Variants in METTL6 observed in about 807,000 individuals in gnomAD.
METTL6 encodes methyltransferase 6, tRNA N3-cytidine.
In METTL6, 22 loss-of-function variants were observed where a neutral mutation model predicts 26.4. The ratio of observed to expected loss-of-function variants is 0.83; its 90% CI spans 0.59 to 1.19. The LOEUF is 1.19. Ranked by LOEUF, METTL6 falls within the 50% of genes most tolerant of loss-of-function variation. The probability of loss-of-function intolerance (pLI) is 0.00; values close to 1 mark genes in which losing one functional copy is unlikely to be tolerated. For missense variants in METTL6, 304 were observed against 324.8 expected, an observed-to-expected ratio of 0.94 and a Z score of 0.49; for synonymous variants, 109 against 116.2, an observed-to-expected ratio of 0.94 and a Z score of 0.40.
rs1699901175 is a variant in METTL6 at position 15,409,881 on chromosome 3, G to C, written c.*1375C>G. Among the ~76,000 whole-genome samples the C allele has an allele frequency of 6.6e-6, 1 of 152,166 alleles. No individual in the cohort carries two copies. Among genetic ancestry groups the C allele is most frequent in the African/African-American group, 2.4e-5 (1 of 41,434 alleles). Reference sequence around the variant, plus strand: ...ATGACACTCGAAAAAGAAGAAAACAGAACACTCCTTTAGGCTAGAAATATA... The same window carrying C: ...ATGACACTCGAAAAAGAAGAAAACACAACACTCCTTTAGGCTAGAAATATA... On this transcript the variant is annotated 3_prime_UTR_variant, in exon 6 of 6. Transcript: ENST00000383790.
chr3:15,422,366 T>C (rs892651472), intron 3 of METTL6, among the ~76,000 whole-genome samples: 1 of 151,464 alleles, frequency 6.6e-6, no homozygotes, highest in African/African-American at 2.4e-5. Flanking sequence ...CGGTGGCTGA[T>C]GCCTGTAATC....
intron 5 of METTL6, among the ~76,000 whole-genome samples, chr3:15,412,060 C>T (rs1332487223): frequency 2.0e-5 from 3 of 152,098 alleles, no homozygotes; most frequent in Non-Finnish European, 4.4e-5. Flanking sequence ...CCACTGGGCC[C>T]GGCCGATTAT....
At chr3:15,408,743 TTTC>T (rs964757741), downstream of METTL6, among the ~76,000 whole-genome samples, 1 of 151,824 alleles carries the variant, frequency 6.6e-6, no homozygotes, top group Non-Finnish European at 1.5e-5. Flanking sequence ...CCTGGCTAAT[TTTC>T]TTATTTTTTT....
intron 3 of METTL6, 146 bp downstream of exon 3, chr3:15,424,809 A>G: frequency 2.0e-6 from 2 of 981,194 alleles, no homozygotes; most frequent in South Asian, 1.5e-5. Context: ...CTGTATATGT[A>G]TGTAAGCAGG....
Position 15,411,713 on chromosome 3 carries a change from C to T in METTL6, c.674-276G>A, listed in dbSNP as rs144219146. On this transcript the variant is annotated intron_variant, in intron 5 of 5. Transcript: ENST00000383790. Reference sequence around the variant, plus strand: ...TTATGAATTCTCAAATACAAAAGCCCGAGTAAAAAGAAACAATTCCAAATT... The same window carrying T: ...TTATGAATTCTCAAATACAAAAGCCTGAGTAAAAAGAAACAATTCCAAATT... Among the ~76,000 whole-genome samples, 304 of 151,170 alleles carry T rather than the reference C, an allele frequency of 2.0e-3. 1 individual carries two copies. The highest frequency in any genetic ancestry group is 6.7e-3 in the African/African-American group (276 of 41,190).
intron 6 of METTL6, among the ~76,000 whole-genome samples, chr3:15,397,196 C>T (rs1699512420): frequency 6.6e-6 from 1 of 152,216 alleles, no homozygotes; most frequent in South Asian, 2.1e-4. Context: ...GGCGCCCCTC[C>T]CCCAGCCTCA....
Position 15,410,155 on chromosome 3 carries a change from T to G in METTL6, c.*1101A>C, listed in dbSNP as rs1403011577. ...ATGTCTCTAACACACACACATACAC[T>G]TCCTATTTTTTAATACAAAAAGTAC... On this transcript the variant is annotated 3_prime_UTR_variant, in exon 6 of 6. Coordinates refer to ENST00000383790, the MANE Select transcript of METTL6 (RefSeq NM_152396.4). Among the ~76,000 whole-genome samples, 3 of 152,112 alleles carry G rather than the reference T, an allele frequency of 2.0e-5. No individual in the cohort carries two copies. Among genetic ancestry groups the G allele is most frequent in the African/African-American group, 7.2e-5 (3 of 41,416 alleles).
Position 15,411,378 on chromosome 3 carries a change from A to G in METTL6, c.733T>C (p.Phe245Leu). 1 of 1,614,186 alleles carries G rather than the reference A, an allele frequency of 6.2e-7. No homozygotes were observed. The highest frequency in any genetic ancestry group is 8.5e-7 in the Non-Finnish European group (1 of 1,180,024). The change falls in exon 6 of 6, where the codon TTT (phenylalanine) becomes CTT (leucine). Residue 245 changes from phenylalanine to leucine, a missense_variant. Transcript: ENST00000383790. ...TCTTTTTTATTCACCGTCTCTCGAA[A>G]CACATACTCGTTTACCACTTCTTCA... is the stretch of plus-strand genomic sequence containing the variant. ...GYEEVVNEYV[F>L]RETVNKKEGL... is the part of the protein sequence containing the mutation.
downstream of METTL6, among the ~76,000 whole-genome samples, chr3:15,406,482 A>G (rs1575408699): frequency 6.6e-6 from 1 of 151,288 alleles, no homozygotes; most frequent in East Asian, 1.9e-4. Context: ...TCACCTCATT[A>G]ATTTAACAAG....
At chr3:15,414,610 C>G (rs1700114841) in intron 4 of METTL6, 2 of 276,948 alleles carry the variant, frequency 7.2e-6, no homozygotes, top group East Asian at 1.4e-4. Flanking sequence ...CCACCTCAGT[C>G]TCCCAAAGTT....
At chr3:15,417,612 C>T (rs1700268342) in intron 3 of METTL6, among the ~76,000 whole-genome samples, 1 of 151,336 alleles carries the variant, frequency 6.6e-6, no homozygotes, top group Admixed American at 6.6e-5. Context: ...AAACAGAGTC[C>T]CAAAACAGAC....
At chr3:15,383,331 C>T (rs1173821730) in exon 7 of METTL6, 1 of 151,832 alleles carries the variant, frequency 6.6e-6, no homozygotes, top group East Asian at 1.9e-4. Context: ...AAGTTTGTTC[C>T]TGGCCCCTAC....
rs570088485 is a variant in METTL6, at chr3:15,390,434, G to T, written c.*12-6247C>A. ...CAGAGCAAGACTCTGTCTCAAAAAA[G>T]AATAATAATAATAATGAAACCACCT... On this transcript the variant is annotated intron_variant, in intron 6 of 6. Transcript: ENST00000443029. 8.6e-3 allele frequency among the ~76,000 whole-genome samples: 1,305 copies of T among 152,000 alleles called. 21 individuals are homozygous for T. The highest frequency in any genetic ancestry group is 0.03 in the African/African-American group (1,228 of 41,462).
chr3:15,415,477 C>A, intron 4 of METTL6: 1 of 1,578,698 alleles, frequency 6.3e-7, no homozygotes, highest in Non-Finnish European at 8.5e-7. Flanking sequence ...CTCTTGACCA[C>A]TAAACCATAA....
chr3:15,424,553 C>A (rs991423465), intron 3 of METTL6, among the ~76,000 whole-genome samples: 2 of 152,190 alleles, frequency 1.3e-5, no homozygotes, highest in African/African-American at 2.4e-5. Context: ...AAGTGCGAAC[C>A]AACATGGCAG....
intron 6 of METTL6, among the ~76,000 whole-genome samples, chr3:15,402,294 G>A (rs1315182686): frequency 6.6e-6 from 1 of 152,162 alleles, no homozygotes; most frequent in Admixed American, 6.5e-5. Context: ...ATAGTTTGGT[G>A]GGCAGCAGGG....
chr3:15,414,756 C>T (rs1700121106), intron 4 of METTL6: 5 of 433,422 alleles, frequency 1.2e-5, no homozygotes, highest in South Asian at 6.8e-5. Flanking sequence ...GACCCCATCT[C>T]TACACAAAAA....
intron 3 of METTL6, among the ~76,000 whole-genome samples, chr3:15,416,913 A>G (rs1481242231): frequency 3.9e-5 from 6 of 152,232 alleles, no homozygotes; most frequent in Non-Finnish European, 8.8e-5. Context: ...ATCCAATGCA[A>G]TCTAAACTGA....
chr3:15,413,406 T>G (rs1232887512), intron 5 of METTL6, among the ~76,000 whole-genome samples: 1 of 152,056 alleles, frequency 6.6e-6, no homozygotes, highest in African/African-American at 2.4e-5. Context: ...GAAACCCCCA[T>G]TCTACCAAAA....
Sources: gnomAD v4.1 joint callset for allele counts (sites outside exome capture counted in the v4.1 genomes callset) on GRCh38, gnomAD v4.1.1 for gene constraint, MANE v1.5 for transcripts, NCBI Gene and HGNC (gene_info 2026-07-23, HGNC 2026-07-21) for gene names.